PCSK5: variants seen among roughly 807,000 people sequenced by gnomAD.
PCSK5 encodes the protein proprotein convertase subtilisin/kexin type 5.
PCSK5 carries 129 observed loss-of-function variants against 233.2 expected under a neutral mutation model. The ratio of observed to expected loss-of-function variants is 0.55; its 90% CI spans 0.48 to 0.64. PCSK5 has a LOEUF of 0.64. PCSK5 is among the 30% of genes least tolerant of loss of function. PCSK5 has a pLI of 0.00. For missense variants in PCSK5, 2,076 were observed against 2,430.1 expected (o/e 0.85, Z 3.06); for synonymous variants, 825 against 879.2 (o/e 0.94, Z 1.09).
rs1830411076 is a variant in PCSK5, at chr9:76,360,316, T to C, written c.*1394T>C. On this transcript the variant is annotated 3_prime_UTR_variant, in exon 38 of 38. Transcript: ENST00000674117. Reference sequence around the variant, plus strand: ...TACTCCCATGAGGTTGGTATTGCTATTATTCTGTTCTTGTAGGAAACCTGA... The same window carrying C: ...TACTCCCATGAGGTTGGTATTGCTACTATTCTGTTCTTGTAGGAAACCTGA... 1.3e-5 allele frequency: 2 copies of C among 152,226 alleles called. No homozygotes were observed. The highest frequency in any genetic ancestry group is 1.3e-4 in the Admixed American group (2 of 15,284). The allele number at this position is 152,226 out of a possible 1,614,324, so 9.4% of individuals were successfully genotyped here.
chr9:75,908,937 C>CTATCTATCTA (rs1564074980), intron 1 of PCSK5, among the ~76,000 whole-genome samples: 7 of 89,508 alleles, frequency 7.8e-5, no homozygotes, highest in Non-Finnish European at 1.3e-4. Context: ...CTATCTCTCT[C>CTATCTATCTA]TCTGTCTATC....
chr9:76,236,992 G>C (rs1445288816), intron 22 of PCSK5, among the ~76,000 whole-genome samples: 1 of 152,182 alleles, frequency 6.6e-6, no homozygotes, highest in Non-Finnish European at 1.5e-5. Flanking sequence ...TTGATGTCTT[G>C]TGAAGGTGCA....
intron 20 of PCSK5, among the ~76,000 whole-genome samples, chr9:76,216,044 G>A (rs567857668): frequency 1.7e-4 from 26 of 152,284 alleles, no homozygotes; most frequent in Admixed American, 9.2e-4. Flanking sequence ...GGACTGAATT[G>A]TTCTAGAGGC....
chr9:76,079,599 G>A (rs548020091), intron 7 of PCSK5, among the ~76,000 whole-genome samples: 12 of 152,270 alleles, frequency 7.9e-5, no homozygotes, highest in East Asian at 1.9e-4. Flanking sequence ...GTCTAGAATC[G>A]TATCATCAGC....
At chr9:76,294,813 G>A (rs1387376905) in intron 25 of PCSK5, among the ~76,000 whole-genome samples, 2 of 152,060 alleles carry the variant, frequency 1.3e-5, no homozygotes, top group Non-Finnish European at 1.5e-5. Flanking sequence ...GGGTTGAGGG[G>A]TGCATAACAG....
At chr9:75,897,354 C>T (rs1343901778) in intron 1 of PCSK5, among the ~76,000 whole-genome samples, 1 of 151,870 alleles carries the variant, frequency 6.6e-6, no homozygotes, top group Non-Finnish European at 1.5e-5. Context: ...ACTTTTCCCC[C>T]AAGAGCCATG....
intron 14 of PCSK5, 132 bp downstream of exon 14, chr9:76,175,261 G>GAATCGAATC (rs757204695): frequency 8.2e-4 from 559 of 685,608 alleles, no homozygotes; most frequent in Non-Finnish European, 1.1e-3. Flanking sequence ...GGAATGGAAT[G>GAATCGAATC]GAATGGAATG....
intron 30 of PCSK5, among the ~76,000 whole-genome samples, chr9:76,318,499 T>C (rs1279831707): frequency 6.6e-6 from 1 of 152,006 alleles, no homozygotes; most frequent in Non-Finnish European, 1.5e-5. Context: ...AAAAGAAACC[T>C]CATCTATCCA....
chr9:76,066,637 G>T (rs112736188), intron 5 of PCSK5, among the ~76,000 whole-genome samples: 2 of 152,148 alleles, frequency 1.3e-5, no homozygotes, highest in South Asian at 2.1e-4. Flanking sequence ...AAGGAATTAT[G>T]CAATACATTA....
chr9:76,268,459 A>G (rs1427847595), intron 24 of PCSK5, among the ~76,000 whole-genome samples: 1 of 152,234 alleles, frequency 6.6e-6, no homozygotes, highest in East Asian at 1.9e-4. Context: ...GTTCTCAGTC[A>G]TAATCAGTCT....
At chr9:75,980,641 C>T (rs553831049) in intron 2 of PCSK5, among the ~76,000 whole-genome samples, 105 of 152,130 alleles carry the variant, frequency 6.9e-4, no homozygotes, top group Non-Finnish European at 1.3e-3. Flanking sequence ...GACAAAATAA[C>T]AATGCCAATA....
At chr9:76,293,448 T>A (rs7469936) in intron 25 of PCSK5, among the ~76,000 whole-genome samples, 1 of 151,968 alleles carries the variant, frequency 6.6e-6, no homozygotes, top group South Asian at 2.1e-4. Flanking sequence ...TTTTTTTGGG[T>A]TTTTTTTGTT....
intron 5 of PCSK5, among the ~76,000 whole-genome samples, chr9:76,065,379 C>T (rs1335203860): frequency 1.3e-5 from 2 of 152,122 alleles, no homozygotes; most frequent in East Asian, 1.9e-4. Flanking sequence ...TAAGATATCT[C>T]GTGGTGGCTG....
intron 12 of PCSK5, among the ~76,000 whole-genome samples, chr9:76,169,049 G>A (rs1187760388): frequency 2.6e-5 from 4 of 152,070 alleles, no homozygotes; most frequent in Non-Finnish European, 5.9e-5. Context: ...TTATTACTGG[G>A]TAGTTTGTTG....
chr9:76,224,088 C>T (rs961343901), intron 20 of PCSK5, among the ~76,000 whole-genome samples: 24 of 152,286 alleles, frequency 1.6e-4, no homozygotes, highest in Admixed American at 1.3e-3. Context: ...CTTACACTGA[C>T]GCTCTTACAT....
At chr9:76,004,968 G>C (rs1337109346) in intron 3 of PCSK5, among the ~76,000 whole-genome samples, 1 of 152,176 alleles carries the variant, frequency 6.6e-6, no homozygotes, top group Non-Finnish European at 1.5e-5. Flanking sequence ...TTTTTCAGCA[G>C]ACAGAGCTAA....
At chr9:76,069,176 A>G (rs1425344814) in intron 6 of PCSK5, among the ~76,000 whole-genome samples, 3 of 152,158 alleles carry the variant, frequency 2.0e-5, no homozygotes, top group Admixed American at 2.0e-4. Flanking sequence ...AATGCATATG[A>G]AAGAGCTAAA....
chr9:75,944,278 T>A (rs767134264), intron 2 of PCSK5, among the ~76,000 whole-genome samples: 14 of 151,924 alleles, frequency 9.2e-5, no homozygotes, highest in Non-Finnish European at 2.1e-4. Flanking sequence ...TGTTCCCGTT[T>A]ATGTTTTACA....
In PCSK5 at chr9:76,175,217, GAATGA is replaced by G. The variant is rs770823195; in HGVS notation, c.1900+93_1900+97del. On this transcript the variant is annotated intron_variant, in intron 14 of 37. Transcript: ENST00000674117. ...TGGGAGAACAGAATGGAATGGAATG[GAATGA>G]AATGGAATGGAATGAAATGGAATGG... 2,170 of 541,602 alleles carry G rather than the reference GAATGA, an allele frequency of 4.0e-3. 10 individuals carry two copies. The highest frequency in any genetic ancestry group is 5.3e-3 in the Non-Finnish European group (1,633 of 307,752). 33.5% of individuals were successfully genotyped at this position (541,602 alleles called of 1,614,324 possible).
Sources: allele counts gnomAD v4.1 joint callset (sites outside exome capture counted in the v4.1 genomes callset), GRCh38; gene constraint gnomAD v4.1.1; transcripts MANE v1.5; gene names NCBI Gene and HGNC (gene_info 2026-07-23, HGNC 2026-07-21).